HADH: variants seen among roughly 807,000 people sequenced by gnomAD.
HADH encodes hydroxyacyl-coenzyme A dehydrogenase, mitochondrial.
Under a neutral mutation model 32.2 loss-of-function variants are expected in HADH, and 24 were observed. The observed-to-expected ratio is 0.75, with a 90% CI of 0.54 to 1.05. The LOEUF is 1.05. HADH is among the 50% of genes least tolerant of loss of function. The pLI is 0.00. For synonymous variants in HADH, 139 were observed against 152.5 expected, an observed-to-expected ratio of 0.91 and a Z score of 0.65; for missense variants, 350 against 397.1, an observed-to-expected ratio of 0.88 and a Z score of 1.01.
intron 4 of HADH, among the ~76,000 whole-genome samples, chr4:108,020,135 C>T (rs1345218778): frequency 1.3e-5 from 2 of 152,186 alleles, no homozygotes; most frequent in Non-Finnish European, 2.9e-5. Flanking sequence ...GCGTTGTCCC[C>T]AGATGAGGTA....
At chr4:108,012,073 T>A (rs941151722) in intron 2 of HADH, among the ~76,000 whole-genome samples, 4 of 152,040 alleles carry the variant, frequency 2.6e-5, no homozygotes, top group Admixed American at 2.6e-4. Context: ...AAAAAAAATT[T>A]TTTTTTAGAG....
intron 2 of HADH, among the ~76,000 whole-genome samples, chr4:108,010,336 GAT>G (rs1363164436): frequency 2.0e-5 from 3 of 152,212 alleles, no homozygotes; most frequent in African/African-American, 4.8e-5. Flanking sequence ...GAGCAGAAGA[GAT>G]AGAAGAATTT....
intron 6 of HADH, chr4:108,028,202 CAGTT>C (rs1736130465): frequency 4.1e-6 from 1 of 241,014 alleles, no homozygotes; most frequent in African/African-American, 2.2e-5. Context: ...GTGGTAAGGA[CAGTT>C]TTTAGTAGTC....
chr4:108,002,606 C>T (rs190602102), intron 1 of HADH, among the ~76,000 whole-genome samples: 18 of 152,314 alleles, frequency 1.2e-4, no homozygotes, highest in South Asian at 8.3e-4. Context: ...CCCTGCAAGA[C>T]GGTAGAAAAA....
chr4:108,006,869 A>G (rs1735308423), intron 1 of HADH, among the ~76,000 whole-genome samples: 1 of 152,138 alleles, frequency 6.6e-6, no homozygotes, highest in Non-Finnish European at 1.5e-5. Flanking sequence ...ATTCTTGTTG[A>G]GGGTGGTATG....
chr4:108,032,355 G>A (rs868764358), intron 6 of HADH: 4 of 1,600,570 alleles, frequency 2.5e-6, no homozygotes, highest in Middle Eastern at 3.3e-4. Flanking sequence ...ATTCTAACTC[G>A]GGTTTGGGCT....
chr4:108,009,624 A>C, intron 1 of HADH, 135 bp from the exon 2 acceptor site: 1 of 742,130 alleles, frequency 1.3e-6, no homozygotes, highest in Non-Finnish European at 2.4e-6. Context: ...TCATATGTTC[A>C]CTCGGTATTT....
chr4:107,992,317 AAC>A (rs1469049172), intron 1 of HADH, among the ~76,000 whole-genome samples: 4 of 152,276 alleles, frequency 2.6e-5, no homozygotes, highest in Non-Finnish European at 5.9e-5. Context: ...ATCCTTATGT[AAC>A]ACAGTTTGGA....
At chr4:108,028,884 CTCT>C (rs1443458434) in intron 6 of HADH, 6 of 398,362 alleles carry the variant, frequency 1.5e-5, no homozygotes, top group Admixed American at 4.4e-5. Flanking sequence ...GTTGAAAGCC[CTCT>C]TCTTGTCTGT....
chr4:108,034,736 G>A lies in HADH; in HGVS notation c.*379G>A. The A allele has an allele frequency of 5.7e-6, 2 of 349,744 alleles. No homozygotes were observed. The highest frequency in any genetic ancestry group is 1.1e-5 in the Non-Finnish European group (2 of 178,076). 21.7% of individuals were successfully genotyped at this position (349,744 alleles called of 1,614,324 possible). ...TGCACCATGCTCACTGTTGCTGCGT[G>A]GGAGAGTCACAAGCCACTGGCAAGC... is the stretch of plus-strand genomic sequence containing the variant. On this transcript the variant is annotated 3_prime_UTR_variant, in exon 8 of 8. Coordinates refer to ENST00000309522, the MANE Select transcript of HADH (RefSeq NM_005327.7).
chr4:108,017,587 T>A (rs1735736964), intron 3 of HADH, among the ~76,000 whole-genome samples: 1 of 151,248 alleles, frequency 6.6e-6, no homozygotes, highest in Non-Finnish European at 1.5e-5. Context: ...GGAGTCTCGC[T>A]CTGTCGCCCA....
At chr4:108,022,896 TCAA>T (rs1437979582) in intron 4 of HADH, among the ~76,000 whole-genome samples, 5 of 152,038 alleles carry the variant, frequency 3.3e-5, no homozygotes, top group Non-Finnish European at 5.9e-5. Flanking sequence ...CAGGCTTGTC[TCAA>T]CAACAAAGCC....
chr4:107,992,921 C>G (rs1734855635), intron 1 of HADH, among the ~76,000 whole-genome samples: 1 of 152,056 alleles, frequency 6.6e-6, no homozygotes, highest in Non-Finnish European at 1.5e-5. Context: ...TCAAGACCAG[C>G]CTGGCCAATA....
At chr4:108,006,680 T>C (rs1735303418) in intron 1 of HADH, among the ~76,000 whole-genome samples, 1 of 152,204 alleles carries the variant, frequency 6.6e-6, no homozygotes, top group Non-Finnish European at 1.5e-5. Flanking sequence ...TTGTTGCTGC[T>C]GGTCAATGAC....
At chr4:108,015,885 T>C (rs1225127322) in intron 3 of HADH, among the ~76,000 whole-genome samples, 1 of 152,024 alleles carries the variant, frequency 6.6e-6, no homozygotes, top group African/African-American at 2.4e-5. Flanking sequence ...TGTGCTCCAC[T>C]CTCGGGCATA....
At chr4:108,021,724 C>T (rs1226421524) in intron 4 of HADH, among the ~76,000 whole-genome samples, 1 of 152,144 alleles carries the variant, frequency 6.6e-6, no homozygotes, top group Non-Finnish European at 1.5e-5. Flanking sequence ...TGTTTGTCCC[C>T]CAGCTCAGTC....
At chr4:108,033,635 AC>A (rs1736354295) in intron 7 of HADH, among the ~76,000 whole-genome samples, 2 of 152,236 alleles carry the variant, frequency 1.3e-5, no homozygotes, top group Non-Finnish European at 2.9e-5. Context: ...ACACTGGTAC[AC>A]TGTGTTATCA....
chr4:108,025,149 T>C (rs1472325291), intron 5 of HADH: 1 of 152,248 alleles, frequency 6.6e-6, no homozygotes, highest in Non-Finnish European at 1.5e-5. Flanking sequence ...ATATGCAATA[T>C]GAGTGTGGCT....
intron 3 of HADH, among the ~76,000 whole-genome samples, chr4:108,018,047 C>A (rs1262307135): frequency 6.6e-6 from 1 of 152,170 alleles, no homozygotes; most frequent in African/African-American, 2.4e-5. Flanking sequence ...TGGAACTGGG[C>A]TCTGATGTCA....
Sources: gnomAD v4.1 joint callset for allele counts (sites outside exome capture counted in the v4.1 genomes callset) on GRCh38, gnomAD v4.1.1 for gene constraint, MANE v1.5 for transcripts, NCBI Gene and HGNC (gene_info 2026-07-23, HGNC 2026-07-21) for gene names.